Variants in FRMD3 observed in about 807,000 individuals in gnomAD.
The protein encoded by FRMD3 is FERM domain-containing protein 3.
A neutral mutation model predicts 70.2 loss-of-function variants in FRMD3; 33 were observed. The observed-to-expected ratio is 0.47, with a 90% CI of 0.36 to 0.63. FRMD3 has a LOEUF of 0.63. Ranked by LOEUF, FRMD3 falls within the 20% of genes least tolerant of loss-of-function variation. The pLI is 0.00. For synonymous variants in FRMD3, 279 were observed against 255.9 expected, an observed-to-expected ratio of 1.09 and a Z score of -0.86; for missense variants, 632 against 711.4, an observed-to-expected ratio of 0.89 and a Z score of 1.27.
At chr9:83,369,472 G>A (rs992845790) in intron 3 of FRMD3, among the ~76,000 whole-genome samples, 4 of 151,972 alleles carry the variant, frequency 2.6e-5, no homozygotes. Flanking sequence ...GCTACTCAGG[G>A]AGGCTGAGGC....
chr9:83,555,529 C>T, the FRMD3 span, among the ~76,000 whole-genome samples: 37 of 152,316 alleles, frequency 2.4e-4, no homozygotes, highest in Non-Finnish European at 4.6e-4. Context: ...TCCCCCTCCC[C>T]CTAGGAGATC....
At chr9:83,513,072 G>A (rs1829375086) in intron 1 of FRMD3, among the ~76,000 whole-genome samples, 2 of 152,170 alleles carry the variant, frequency 1.3e-5, no homozygotes, top group South Asian at 4.1e-4. Context: ...GGTGCTTAGA[G>A]AAACATAGAG....
intron 1 of FRMD3, among the ~76,000 whole-genome samples, chr9:83,508,607 C>T (rs1249999826): frequency 2.6e-5 from 4 of 152,060 alleles, no homozygotes; most frequent in African/African-American, 4.8e-5. Flanking sequence ...AGCCTCAAAG[C>T]CAGCTCAGGG....
intron 6 of FRMD3, among the ~76,000 whole-genome samples, chr9:83,329,564 A>AT (rs1459798302): frequency 1.3e-5 from 2 of 152,184 alleles, no homozygotes; most frequent in African/African-American, 2.4e-5. Context: ...TGATAACTCC[A>AT]TTTTTTTAAA....
At chr9:83,420,035 T>A (rs181366556) in intron 1 of FRMD3, among the ~76,000 whole-genome samples, 67 of 152,276 alleles carry the variant, frequency 4.4e-4, no homozygotes, top group Non-Finnish European at 7.8e-4. Flanking sequence ...GAAATGTACA[T>A]CTCCAATTTT....
chr9:83,498,964 G>A (rs143159844), intron 1 of FRMD3, among the ~76,000 whole-genome samples: 60 of 152,214 alleles, frequency 3.9e-4, no homozygotes, highest in African/African-American at 1.4e-3. Flanking sequence ...TTCGAGATGA[G>A]GCATGTTTGC....
chr9:83,578,872 T>A, the FRMD3 span, among the ~76,000 whole-genome samples: 1 of 151,936 alleles, frequency 6.6e-6, no homozygotes, highest in African/African-American at 2.4e-5. Flanking sequence ...AAGAAAAAAG[T>A]AAAATTTTCT....
At chr9:83,264,545 G>A (rs1833143552) in intron 13 of FRMD3, among the ~76,000 whole-genome samples, 2 of 152,150 alleles carry the variant, frequency 1.3e-5, no homozygotes, top group African/African-American at 2.4e-5. Flanking sequence ...GGGGGAGGCT[G>A]AGCATGTGTG....
the FRMD3 span, among the ~76,000 whole-genome samples, chr9:83,582,725 T>C: frequency 6.6e-6 from 1 of 152,322 alleles, no homozygotes; most frequent in African/African-American, 2.4e-5. Flanking sequence ...ATTGGTGAGA[T>C]GCTATATTTT....
intron 6 of FRMD3, 117 bp downstream of exon 6, chr9:83,335,399 A>G: frequency 8.9e-7 from 1 of 1,119,072 alleles, no homozygotes; most frequent in Non-Finnish European, 1.3e-6. Flanking sequence ...CTGCCACGCA[A>G]AACAGCCTAT....
intron 1 of FRMD3, among the ~76,000 whole-genome samples, chr9:83,443,661 T>C (rs1213612467): frequency 6.6e-6 from 1 of 152,224 alleles, no homozygotes; most frequent in Non-Finnish European, 1.5e-5. Flanking sequence ...TACCCAGTAA[T>C]GGGATCGCTG....
chr9:83,581,390 G>A, the FRMD3 span, among the ~76,000 whole-genome samples: 1 of 152,172 alleles, frequency 6.6e-6, no homozygotes, highest in African/African-American at 2.4e-5. Flanking sequence ...AATCATTGAG[G>A]AAATGCAAAT....
chr9:83,419,101 C>T (rs12352587), intron 1 of FRMD3, among the ~76,000 whole-genome samples: 66,384 of 151,624 alleles, frequency 0.44, 14,857 homozygotes, highest in South Asian at 0.53. Flanking sequence ...CACAAAGGCA[C>T]ACAGAGTGAT....
chr9:83,298,865 T>A (rs772807069), intron 11 of FRMD3, 49 bp from the exon 12 acceptor site: 1 of 1,546,248 alleles, frequency 6.5e-7, no homozygotes, highest in East Asian at 2.2e-5. Context: ...CAGAGAAGAA[T>A]GGGAGGGATA....
intron 1 of FRMD3, among the ~76,000 whole-genome samples, chr9:83,536,687 T>C (rs1019435808): frequency 6.6e-6 from 1 of 152,112 alleles, no homozygotes; most frequent in Non-Finnish European, 1.5e-5. Flanking sequence ...GGAGCCTACT[T>C]TCCTGGGAGA....
At chr9:83,343,136 CA>C in intron 5 of FRMD3, 53 bp downstream of exon 5, 2 of 1,275,406 alleles carry the variant, frequency 1.6e-6, no homozygotes. Context: ...AGGCTTGAAA[CA>C]GCCAGAGCTC....
At chr9:83,347,979 A>G (rs144720269) in intron 4 of FRMD3, among the ~76,000 whole-genome samples, 44 of 152,346 alleles carry the variant, frequency 2.9e-4, no homozygotes, top group African/African-American at 1.0e-3. Context: ...GGAAAATGTT[A>G]GCAAATACAA....
chr9:83,551,910 CA>C, the FRMD3 span, among the ~76,000 whole-genome samples: 162 of 143,658 alleles, frequency 1.1e-3, no homozygotes, highest in African/African-American at 3.4e-3. Flanking sequence ...TGATTTTTTT[CA>C]AAAAAAAAAA....
At chr9:83,568,767 AAG>A in the FRMD3 span, among the ~76,000 whole-genome samples, 2 of 152,212 alleles carry the variant, frequency 1.3e-5, no homozygotes, top group African/African-American at 4.8e-5. Flanking sequence ...AATAATAAGT[AAG>A]AGTAAATTTC....
Sources: gnomAD v4.1 joint callset for allele counts (sites outside exome capture counted in the v4.1 genomes callset) on GRCh38, gnomAD v4.1.1 for gene constraint, MANE v1.5 for transcripts, NCBI Gene and HGNC (gene_info 2026-07-23, HGNC 2026-07-21) for gene names.